PTCH2: variants seen among roughly 807,000 people sequenced by gnomAD.
The protein encoded by PTCH2 is protein patched homolog 2.
PTCH2 carries 96 observed loss-of-function variants against 117.9 expected under a neutral mutation model. That is an observed-to-expected ratio of 0.81 (90% CI 0.69 to 0.96). The LOEUF (loss-of-function observed/expected upper bound fraction) is 0.96, where lower values mean the gene tolerates loss of function less well. PTCH2 is among the 50% of genes least tolerant of loss of function. The pLI is 0.00. For synonymous variants in PTCH2, 615 were observed against 660.9 expected (o/e 0.93, Z 1.06); for missense variants, 1,379 against 1,562.5 (o/e 0.88, Z 1.98).
chr1:44,830,808 G>A (rs1225901332), intron 6 of PTCH2, 40 bp downstream of exon 6: 1 of 1,503,042 alleles, frequency 6.7e-7, no homozygotes, highest in South Asian at 1.3e-5. Context: ...GGAAAGGGAA[G>A]GAAAACAGCC....
intron 21 of PTCH2, 134 bp downstream of exon 21, chr1:44,822,935 C>T: frequency 1.9e-6 from 2 of 1,039,144 alleles, no homozygotes; most frequent in Non-Finnish European, 2.9e-6. Context: ...AAGGAGGAGG[C>T]TGCCACCTTC....
At position 44,829,322 on chromosome 1, in the gene PTCH2, GA is replaced by G. The variant is rs748382668; in HGVS notation, c.1216-11del. 1 of 1,613,834 alleles carries G rather than the reference GA, an allele frequency of 6.2e-7. No homozygotes were observed. The highest frequency in any genetic ancestry group is 1.3e-5 in the African/African-American group (1 of 75,074). ...CACAGGCATAGGCCAGCTGTGGGGG[GA>G]AAGGGCAGTCTCAGGGGCTCCCAGG... is the stretch of plus-strand genomic sequence containing the variant. On this transcript the variant is annotated splice_polypyrimidine_tract_variant and intron_variant, in intron 9 of 21. Coordinates refer to ENST00000372192, the MANE Select transcript of PTCH2 (RefSeq NM_003738.5).
In PTCH2 at chr1:44,823,936, TCAAA is replaced by T. The variant is rs35297741; in HGVS notation, c.3115-555_3115-552del. On this transcript the variant is annotated intron_variant, in intron 19 of 21. Coordinates refer to ENST00000372192, the MANE Select transcript of PTCH2 (RefSeq NM_003738.5). The surrounding 1 kb of genome is among the most constrained non-coding windows in gnomAD (Gnocchi z 5.1). ...CTGGGCGACAGAGTGAGACCCTGTT[TCAAA>T]CAAACAAACAAACAAACAAACAAAC... Among the ~76,000 whole-genome samples the T allele has an allele frequency of 0.2, 29,883 of 151,204 alleles. 3,070 individuals carry two copies. Among genetic ancestry groups the T allele is most frequent in the East Asian group, 0.27 (1,384 of 5,116 alleles).
At chr1:44,830,164 T>C in intron 6 of PTCH2, 134 bp from the exon 7 acceptor site, 1 of 1,223,146 alleles carries the variant, frequency 8.2e-7, no homozygotes, top group Non-Finnish European at 1.1e-6. Context: ...ATTCTGAGCC[T>C]CTTGACTGCT....
rs757602873 is a variant in PTCH2 at position 44,831,670 on chromosome 1, C to T, written c.617+36G>A. On this transcript the variant is annotated intron_variant, in intron 5 of 21. Transcript: ENST00000372192. This position sits in a 1 kb window ranked among gnomAD's most constrained non-coding sequence, Gnocchi z 4.3. ...TCCTTTCTGCTGGGAGAGTCCCCAG[C>T]GGGAGATGAAGCAGGGCCCCAGGAG... 5.9e-6 allele frequency: 9 copies of T among 1,515,720 alleles called. No homozygotes were observed. The South Asian group carries it at 6.0e-5, about 10-fold the overall frequency. 93.9% of individuals were successfully genotyped at this position (1,515,720 alleles called of 1,614,324 possible).
Position 44,826,721 on chromosome 1 carries a change from G to A in PTCH2, c.2743C>T (p.Arg915Cys), listed in dbSNP as rs758477982. Residue 915 changes from arginine (R) to cysteine (C), a missense_variant, in exon 18 of 22, where the codon CGT (arginine) becomes TGT (cysteine). Physicochemically the swap from Arg to Cys is radical, Grantham distance 180 (BLOSUM62 -3). Transcript: ENST00000372192. The surrounding 1 kb of genome is among the most constrained non-coding windows in gnomAD (Gnocchi z 5.1). ...LEFAQFPFLL[R>C]GLQKTADFVE... ...AAGTCTGCAGTCTTCTGGAGGCCAC[G>A]CAGCAGGAAGGGGAACTGGGCAAAC... 29 of 1,596,022 alleles carry A rather than the reference G, an allele frequency of 1.8e-5. No individual in the cohort carries two copies. Among genetic ancestry groups the A allele is most frequent in the Middle Eastern group, 3.3e-4 (2 of 5,972 alleles).
At chr1:44,828,458 G>C in intron 12 of PTCH2, 44 bp from the exon 13 acceptor site, 1 of 1,614,128 alleles carries the variant, frequency 6.2e-7, no homozygotes, top group South Asian at 1.1e-5. Context: ...ATGAAGCTTG[G>C]CCTCAGCCCC....
Position 44,832,275 on chromosome 1 carries a change from G to C in PTCH2, c.332C>G (p.Thr111Ser), listed in dbSNP as rs749874850. The C allele has an allele frequency of 6.8e-6, 11 of 1,614,094 alleles. No individual in the cohort carries two copies. The African/African-American group carries it at 1.5e-4, about 22-fold the overall frequency. The change falls in exon 3 of 22, where the codon ACC becomes AGC. Residue 111 changes from threonine (T) to serine (S), a missense_variant. Transcript: ENST00000372192. ...KEKLGEEAAY[T>S]SQMLIQTARQ... is the part of the protein sequence containing the mutation. Reference sequence around the variant, plus strand: ...TGCGGTCTGTATCAGCATCTGAGAGGTGTATGCAGCCTCCTCCCCCAGCTT... The same window carrying C: ...TGCGGTCTGTATCAGCATCTGAGAGCTGTATGCAGCCTCCTCCCCCAGCTT...
In PTCH2 at chr1:44,822,074, T is replaced by C; in HGVS notation, c.*341A>G. ...GAGGTGGGCAGGGATATGGAGAGCC[T>C]GCCCAGGAGTCACCAGACGGAAGGG... On this transcript the variant is annotated 3_prime_UTR_variant, in exon 22 of 22. Coordinates refer to ENST00000372192, the MANE Select transcript of PTCH2 (RefSeq NM_003738.5). 2 of 1,362,038 alleles carry C rather than the reference T, an allele frequency of 1.5e-6. No individual in the cohort carries two copies. The highest frequency in any genetic ancestry group is 3.2e-5 in the East Asian group (1 of 31,738). The allele number at this position is 1,362,038 out of a possible 1,614,324, so 84.4% of individuals were successfully genotyped here. A position where few individuals can be genotyped will look rare whatever the true frequency, so the allele number is the denominator to read the frequency against.
chr1:44,822,269 A>C lies in PTCH2; in HGVS notation c.*146T>G. The C allele has an allele frequency of 6.4e-7, 1 of 1,566,552 alleles. No individual in the cohort carries two copies. The highest frequency in any genetic ancestry group is 8.6e-7 in the Non-Finnish European group (1 of 1,163,820). ...TCGGTGGCTGTTCTGTATGGATATC[A>C]GGGAGGCCCATGACAGCTGGGTCGG... is the stretch of plus-strand genomic sequence containing the variant. On this transcript the variant is annotated 3_prime_UTR_variant, in exon 22 of 22. Transcript: ENST00000372192.
intron 2 of PTCH2, among the ~76,000 whole-genome samples, chr1:44,840,937 G>A (rs565188442): frequency 4.0e-5 from 6 of 150,712 alleles, no homozygotes; most frequent in East Asian, 4.0e-4. Flanking sequence ...GGTGGCGCAC[G>A]CCTGTAATCC....
chr1:44,833,879 C>T (rs1336418381), intron 2 of PTCH2, among the ~76,000 whole-genome samples: 1 of 151,986 alleles, frequency 6.6e-6, no homozygotes, highest in Non-Finnish European at 1.5e-5. Flanking sequence ...CTCAAGCGAT[C>T]CTCCCACCCC....
In PTCH2 at chr1:44,822,627, G is replaced by C; in HGVS notation, c.3400C>G (p.Pro1134Ala). The change falls in exon 22 of 22, where the codon CCA becomes GCA. Residue 1134 changes from proline to alanine, a missense_variant. Physicochemically the swap from Pro to Ala is conservative, Grantham distance 27 (BLOSUM62 -1). Coordinates refer to ENST00000372192, the MANE Select transcript of PTCH2 (RefSeq NM_003738.5). The stretch of plus-strand genomic sequence containing the variant: ...CTAAGCCCGCCTCCCTGTGGAGCTG[G>C]TGGACTCAGGATCTCTGGGCTTTCC... Reference protein sequence around the residue: ...YKESPEILSPPAPQGGGLRWG... With the variant: ...YKESPEILSPAAPQGGGLRWG... The C allele has an allele frequency of 1.2e-6, 2 of 1,614,024 alleles. No homozygotes were observed. Among genetic ancestry groups the C allele is most frequent in the Non-Finnish European group, 1.7e-6 (2 of 1,179,944 alleles).
At chr1:44,824,410 G>A (rs1006834908) in intron 19 of PTCH2, among the ~76,000 whole-genome samples, 8 of 152,088 alleles carry the variant, frequency 5.3e-5, no homozygotes, top group African/African-American at 2.4e-5. Context: ...AGCCCTGGGC[G>A]AGGCCCTCCT....
intron 2 of PTCH2, among the ~76,000 whole-genome samples, chr1:44,839,345 G>T (rs1029433111): frequency 1.8e-5 from 2 of 112,974 alleles, no homozygotes; most frequent in African/African-American, 7.0e-5. Flanking sequence ...CTGGGCAACA[G>T]AGCAAGACTT....
downstream of PTCH2, chr1:44,821,936 G>A (rs1253662612): frequency 5.9e-6 from 8 of 1,357,646 alleles, no homozygotes; most frequent in African/African-American, 3.0e-5. Context: ...AGTCATCTGA[G>A]ATTAGTTCAC....
Position 44,842,927 on chromosome 1 carries a change from A to G in PTCH2, c.6T>C (p.Thr2=), listed in dbSNP as rs2148887115. The G allele has an allele frequency of 1.3e-6, 2 of 1,538,396 alleles. No homozygotes were observed. Among genetic ancestry groups the G allele is most frequent in the Non-Finnish European group, 1.8e-6 (2 of 1,140,222 alleles). Residue 2 remains threonine, a synonymous_variant, in exon 1 of 22, where the codon ACT becomes ACC. Transcript: ENST00000372192. M[T]RSPPLRELPP... ...GCAGCTCTCTGAGGGGCGGCGATCG[A>G]GTCATGCTGGCGGGGATGGGGGGCG...
downstream of PTCH2, chr1:44,820,626 A>C: frequency 4.3e-6 from 3 of 702,776 alleles, no homozygotes; most frequent in South Asian, 3.0e-5. Flanking sequence ...AGACCAATTC[A>C]GCCTGTCCAG....
chr1:44,840,148 G>A (rs1291987401), intron 2 of PTCH2, among the ~76,000 whole-genome samples: 1 of 149,676 alleles, frequency 6.7e-6, no homozygotes, highest in Non-Finnish European at 1.5e-5. Context: ...TGCTGCCCAG[G>A]CTGGAGTGCA....
Sources: gnomAD v4.1 joint callset for allele counts (sites outside exome capture counted in the v4.1 genomes callset) on GRCh38, gnomAD v4.1.1 for gene constraint, Gnocchi (gnomAD v3.1) non-coding constraint, MANE v1.5 for transcripts, NCBI Gene and HGNC (gene_info 2026-07-23, HGNC 2026-07-21) for gene names.